KLRF1: variants seen among roughly 807,000 people sequenced by gnomAD.
KLRF1 encodes the protein killer cell lectin like receptor F1.
A neutral mutation model predicts 30.7 loss-of-function variants in KLRF1; 27 were observed. The ratio of observed to expected loss-of-function variants is 0.88; its 90% CI spans 0.65 to 1.21. The LOEUF is 1.21. Among genes scored for constraint, KLRF1 ranks in the 50% most tolerant of loss-of-function variants. The pLI is 0.00. For synonymous variants in KLRF1, 92 were observed against 89.3 expected (o/e 1.03, Z -0.17); for missense variants, 246 against 259.3 (o/e 0.95, Z 0.35).
the KLRF1 span, among the ~76,000 whole-genome samples, chr12:9,803,639 CTCT>C: frequency 1.4e-3 from 207 of 151,794 alleles, no homozygotes; most frequent in African/African-American, 4.6e-3. Flanking sequence ...AAAAATTTTT[CTCT>C]TCTTCTTATT....
At chr12:9,837,139 C>T (rs1471526861) in intron 3 of KLRF1, among the ~76,000 whole-genome samples, 1 of 152,044 alleles carries the variant, frequency 6.6e-6, no homozygotes, top group Non-Finnish European at 1.5e-5. Flanking sequence ...CCCTTAGCCT[C>T]TGACAACTAC....
chr12:9,813,150 A>T, the KLRF1 span, among the ~76,000 whole-genome samples: 107 of 151,766 alleles, frequency 7.1e-4, no homozygotes, highest in African/African-American at 2.3e-3. Context: ...TTTTTAATTA[A>T]TTAATTTATT....
chr12:9,825,372 C>G (rs968224611), upstream of KLRF1, among the ~76,000 whole-genome samples: 2 of 151,722 alleles, frequency 1.3e-5, no homozygotes, highest in Non-Finnish European at 2.9e-5. Flanking sequence ...CTACACCCAT[C>G]TGATCTTCAG....
chr12:9,833,572 C>G, intron 3 of KLRF1, 120 bp downstream of exon 3: 1 of 828,874 alleles, frequency 1.2e-6, no homozygotes, highest in Non-Finnish European at 1.7e-6. Context: ...TATAAGTCTA[C>G]TTTTCATTCA....
At chr12:9,844,019 A>C (rs1867759337) in intron 5 of KLRF1, among the ~76,000 whole-genome samples, 1 of 152,168 alleles carries the variant, frequency 6.6e-6, no homozygotes, top group South Asian at 2.1e-4. Flanking sequence ...ACAAACCTCA[A>C]TTCATATAAC....
chr12:9,823,439 A>G (rs947916141), upstream of KLRF1, among the ~76,000 whole-genome samples: 5 of 152,218 alleles, frequency 3.3e-5, no homozygotes, highest in African/African-American at 1.2e-4. Flanking sequence ...TTTGAAACTC[A>G]TGAGAACAAA....
chr12:9,841,023 G>T (rs187397766), intron 3 of KLRF1, among the ~76,000 whole-genome samples: 1 of 151,882 alleles, frequency 6.6e-6, no homozygotes, highest in Non-Finnish European at 1.5e-5. Context: ...AGCACTATTC[G>T]CTATAGAAAA....
At chr12:9,839,102 T>A (rs1235515381) in intron 3 of KLRF1, among the ~76,000 whole-genome samples, 1 of 152,056 alleles carries the variant, frequency 6.6e-6, no homozygotes, top group African/African-American at 2.4e-5. Context: ...CTAGGTTGCT[T>A]ATGAACAACA....
At chr12:9,818,587 G>A in the KLRF1 span, among the ~76,000 whole-genome samples, 3 of 152,296 alleles carry the variant, frequency 2.0e-5, no homozygotes, top group Admixed American at 2.0e-4. Context: ...TTGTTCCTAT[G>A]AAGACCAAGC....
chr12:9,835,305 G>T (rs61914616), intron 3 of KLRF1, among the ~76,000 whole-genome samples: 11,724 of 152,034 alleles, frequency 0.077, 474 homozygotes, highest in Middle Eastern at 0.085. Context: ...GATGAGGAGT[G>T]CTGAAAGGGG....
chr12:9,838,297 G>C (rs181845203), intron 3 of KLRF1, among the ~76,000 whole-genome samples: 1 of 152,176 alleles, frequency 6.6e-6, no homozygotes. Context: ...AGACATGAAT[G>C]CCCAAATTCC....
Position 9,833,286 on chromosome 12 carries a change from A to T in KLRF1, c.185-17A>T. ...GAGAAGATATTTACCTAACCTTAAAATAGTCCTGTATTCAAGTTTCTCAGG... is the reference window on the plus strand; with the variant it reads ...GAGAAGATATTTACCTAACCTTAAATTAGTCCTGTATTCAAGTTTCTCAGG... On this transcript the variant is annotated splice_polypyrimidine_tract_variant and intron_variant, in intron 2 of 5. Coordinates refer to ENST00000617889, the MANE Select transcript of KLRF1 (RefSeq NM_016523.3). 1 of 1,563,570 alleles carries T rather than the reference A, an allele frequency of 6.4e-7. No homozygotes were observed. The highest frequency in any genetic ancestry group is 1.2e-5 in the South Asian group (1 of 83,172).
the KLRF1 span, among the ~76,000 whole-genome samples, chr12:9,811,947 G>T: frequency 6.6e-6 from 1 of 152,168 alleles, no homozygotes; most frequent in Admixed American, 6.5e-5. Flanking sequence ...ATTAAATCGG[G>T]TGGAATTTGG....
the KLRF1 span, among the ~76,000 whole-genome samples, chr12:9,800,648 C>T: frequency 6.6e-6 from 1 of 151,684 alleles, no homozygotes; most frequent in South Asian, 2.1e-4. Context: ...GGTTATTTTC[C>T]ATTTGTATAT....
intron 1 of KLRF1, among the ~76,000 whole-genome samples, chr12:9,831,275 C>A (rs1867421193): frequency 6.6e-6 from 1 of 151,872 alleles, no homozygotes. Context: ...TAAATGAATT[C>A]TGATAAAATT....
At chr12:9,810,942 T>C in the KLRF1 span, among the ~76,000 whole-genome samples, 1 of 152,156 alleles carries the variant, frequency 6.6e-6, no homozygotes, top group Non-Finnish European at 1.5e-5. Context: ...GTGAACACTT[T>C]CAGTATGTGA....
At chr12:9,844,044 A>G (rs891270029) in intron 5 of KLRF1, among the ~76,000 whole-genome samples, 7 of 152,176 alleles carry the variant, frequency 4.6e-5, no homozygotes, top group African/African-American at 1.4e-4. Context: ...AAACAATATC[A>G]TGAAGTATTA....
In KLRF1 at chr12:9,836,804, T is replaced by A. The variant is rs773516074; in HGVS notation, c.334+3352T>A. On this transcript the variant is annotated intron_variant, in intron 3 of 5. Transcript: ENST00000617889. ...TATTTTATTGTCTCCCTATCTGTAA[T>A]GTCTGTCACTGTGTTGGGTATCATT... Among the ~76,000 whole-genome samples, 5 of 152,262 alleles carry A rather than the reference T, an allele frequency of 3.3e-5. No individual in the cohort carries two copies. In the East Asian group the frequency reaches 9.7e-4, roughly 29 times the overall value.
chr12:9,829,933 G>C (rs1005710641), intron 1 of KLRF1, among the ~76,000 whole-genome samples: 5 of 152,014 alleles, frequency 3.3e-5, no homozygotes, highest in South Asian at 2.1e-4. Context: ...AATTATTCAG[G>C]CTCACTCACC....
Sources: gnomAD v4.1 joint callset for allele counts (sites outside exome capture counted in the v4.1 genomes callset) on GRCh38, gnomAD v4.1.1 for gene constraint, MANE v1.5 for transcripts, NCBI Gene and HGNC (gene_info 2026-07-23, HGNC 2026-07-21) for gene names.